The following GABRG2 variants were observed in gnomAD, a reference collection of about 807,000 sequenced individuals.
GABRG2 encodes the protein gamma-aminobutyric acid receptor subunit gamma-2.
In GABRG2, 16 loss-of-function variants were observed where a neutral mutation model predicts 56.4. That is an observed-to-expected ratio of 0.28 (90% CI 0.19 to 0.43). The LOEUF (loss-of-function observed/expected upper bound fraction) is 0.43, where lower values mean the gene tolerates loss of function less well. Among genes scored for constraint, GABRG2 ranks in the 20% least tolerant of loss-of-function variants. The pLI is 1.00. For missense variants in GABRG2, 327 were observed against 582.7 expected (o/e 0.56, Z 4.52); for synonymous variants, 208 against 205.5 (o/e 1.01, Z -0.10).
rs1761968230 is a variant in GABRG2 at position 162,108,131 on chromosome 5, A to T, written c.769+4105A>T. 2.0e-5 allele frequency among the ~76,000 whole-genome samples: 3 copies of T among 152,278 alleles called. No individual in the cohort carries two copies. In the South Asian group the frequency reaches 6.2e-4, roughly 32 times the overall value. ...TGCAGATGAGAAAATTGAGACTTTG[A>T]GGGGTTCATTTTCCTGCAGAAATCA... On this transcript the variant is annotated intron_variant, in intron 6 of 9. Coordinates refer to ENST00000639213, the MANE Select transcript of GABRG2 (RefSeq NM_198904.4).
intron 1 of GABRG2, among the ~76,000 whole-genome samples, chr5:162,091,729 A>G (rs1257986696): frequency 2.0e-5 from 3 of 152,122 alleles, no homozygotes; most frequent in Non-Finnish European, 4.4e-5. Flanking sequence ...TTATCTTTTC[A>G]CTTTATGTAT....
chr5:162,116,059 G>C (rs992562716), intron 6 of GABRG2, among the ~76,000 whole-genome samples: 1 of 151,484 alleles, frequency 6.6e-6, no homozygotes, highest in Non-Finnish European at 1.5e-5. Flanking sequence ...CATCTTTCCT[G>C]ACTGACAGTC....
chr5:162,086,725 T>C (rs145184886), intron 1 of GABRG2, among the ~76,000 whole-genome samples: 1,571 of 152,154 alleles, frequency 0.01, 12 homozygotes, highest in South Asian at 0.023. Context: ...TGTCTAGACA[T>C]CTTTTGCTCA....
chr5:162,123,543 A>T (rs1034300104), intron 6 of GABRG2, among the ~76,000 whole-genome samples: 2 of 151,924 alleles, frequency 1.3e-5, no homozygotes, highest in African/African-American at 4.8e-5. Context: ...TGGGAGTTAC[A>T]GCAAAAAGAA....
At position 162,067,985 on chromosome 5, in the gene GABRG2, A is replaced by G. The variant is rs1427092653; in HGVS notation, c.-15A>G. The G allele has an allele frequency of 1.3e-5, 6 of 455,188 alleles. No individual in the cohort carries two copies. The highest frequency in any genetic ancestry group is 4.6e-5 in the South Asian group (1 of 21,532). The allele number at this position is 455,188 out of a possible 1,614,324, so 28.2% of individuals were successfully genotyped here. ...CCAAGAGGCAAGAGGCGAGAGAAGG[A>G]AAAAAAAAAAAGCGATGAGTTCGCC... On this transcript the variant is annotated 5_prime_UTR_variant, in exon 1 of 10. Transcript: ENST00000639213.
chr5:162,120,513 A>G (rs905164664), intron 6 of GABRG2, among the ~76,000 whole-genome samples: 7 of 152,214 alleles, frequency 4.6e-5, no homozygotes, highest in African/African-American at 1.7e-4. Flanking sequence ...CTCAAGAACT[A>G]TAGCTTTTTC....
intron 1 of GABRG2, among the ~76,000 whole-genome samples, chr5:162,092,063 T>A (rs963403422): frequency 1.3e-5 from 2 of 152,090 alleles, no homozygotes; most frequent in African/African-American, 4.8e-5. Context: ...CCAGAGAGCT[T>A]TTTTATTTTC....
chr5:162,075,924 A>G (rs888898391), intron 1 of GABRG2, among the ~76,000 whole-genome samples: 2 of 152,052 alleles, frequency 1.3e-5, no homozygotes, highest in African/African-American at 2.4e-5. Flanking sequence ...AAGCTGAGGC[A>G]GGAGGATCGC....
chr5:162,150,709 G>C (rs552738390), intron 8 of GABRG2: 1 of 152,160 alleles, frequency 6.6e-6, no homozygotes, highest in African/African-American at 2.4e-5. Context: ...ATTCTAGGTT[G>C]TATTCTGATG....
At chr5:162,152,950 A>T in intron 9 of GABRG2, 143 bp from the exon 10 acceptor site, 1 of 975,120 alleles carries the variant, frequency 1.0e-6, no homozygotes, top group Non-Finnish European at 1.6e-6. Flanking sequence ...GTTCAATTTT[A>T]CCATTGTAGA....
intron 1 of GABRG2, among the ~76,000 whole-genome samples, chr5:162,080,886 G>C (rs1259027531): frequency 6.6e-6 from 1 of 152,080 alleles, no homozygotes; most frequent in Non-Finnish European, 1.5e-5. Context: ...GCATTGTAAT[G>C]AAATAATTGC....
At chr5:162,101,681 G>T in intron 5 of GABRG2, 1 of 267,766 alleles carries the variant, frequency 3.7e-6, no homozygotes, top group Non-Finnish European at 7.2e-6. Flanking sequence ...TATGGGCCTA[G>T]GAAGGGACTA....
chr5:162,141,302 G>T (rs1480141335), intron 6 of GABRG2, among the ~76,000 whole-genome samples: 1 of 152,178 alleles, frequency 6.6e-6, no homozygotes, highest in African/African-American at 2.4e-5. Flanking sequence ...CTCCCAAAGT[G>T]CTGGGATTAC....
At chr5:162,083,689 A>T (rs1759836255) in intron 1 of GABRG2, 1 of 154,548 alleles carries the variant, frequency 6.5e-6, no homozygotes, top group Admixed American at 6.6e-5. Context: ...CTGTTCAGGT[A>T]TTTGTCTCCT....
rs910811679 is a variant in GABRG2 at position 162,153,785 on chromosome 5, A to G, written c.*417A>G. ...GTTGTGATAAATTTGATCCCAATAG[A>G]ATACCTCCCTCATTTAAGAAAAATC... is the stretch of plus-strand genomic sequence containing the variant. On this transcript the variant is annotated 3_prime_UTR_variant, in exon 10 of 10. Coordinates refer to ENST00000639213, the MANE Select transcript of GABRG2 (RefSeq NM_198904.4). The G allele has an allele frequency of 2.5e-5, 5 of 198,148 alleles. No homozygotes were observed. The East Asian group carries it at 6.2e-4, about 25-fold the overall frequency. 12.3% of individuals were successfully genotyped at this position (198,148 alleles called of 1,614,324 possible). A position where few individuals can be genotyped will look rare whatever the true frequency, so the allele number is the denominator to read the frequency against.
At chr5:162,130,877 GTCC>G (rs1265385933) in intron 6 of GABRG2, among the ~76,000 whole-genome samples, 1 of 151,928 alleles carries the variant, frequency 6.6e-6, no homozygotes, top group Non-Finnish European at 1.5e-5. Flanking sequence ...CACCCACTGA[GTCC>G]CCATAGAAGG....
At position 162,068,198 on chromosome 5, in the gene GABRG2, A is replaced by G. The variant is rs529125011; in HGVS notation, c.107+92A>G. 7 of 823,824 alleles carry G rather than the reference A, an allele frequency of 8.5e-6. No individual in the cohort carries two copies. In the East Asian group the frequency reaches 1.8e-4, roughly 21 times the overall value. 51.0% of individuals were successfully genotyped at this position (823,824 alleles called of 1,614,324 possible). A position where few individuals can be genotyped will look rare whatever the true frequency, so the allele number is the denominator to read the frequency against. ...ACTCGGGAGACCACCCAGATTTAAAACACTCTCCTAGGATGTGCGGCTTTA... is the reference window on the plus strand; with the variant it reads ...ACTCGGGAGACCACCCAGATTTAAAGCACTCTCCTAGGATGTGCGGCTTTA... On this transcript the variant is annotated intron_variant, in intron 1 of 9. Coordinates refer to ENST00000639213, the MANE Select transcript of GABRG2 (RefSeq NM_198904.4).
At position 162,154,274 on chromosome 5, in the gene GABRG2, A is replaced by ATT. The variant is rs1311665710; in HGVS notation, c.*907_*908insTT. On this transcript the variant is annotated 3_prime_UTR_variant, in exon 10 of 10. Coordinates refer to ENST00000639213, the MANE Select transcript of GABRG2 (RefSeq NM_198904.4). Reference sequence around the variant, plus strand: ...TTTTTTCTTCCTTTTAGGATGATAGATCATAACAGAACTTATTCTCCATCT... The same window carrying ATT: ...TTTTTTCTTCCTTTTAGGATGATAGATTTCATAACAGAACTTATTCTCCATCT... The ATT allele has an allele frequency of 6.6e-6, 1 of 152,162 alleles. No homozygotes were observed. The highest frequency in any genetic ancestry group is 1.5e-5 in the Non-Finnish European group (1 of 68,036). The allele number at this position is 152,162 out of a possible 1,614,324, so 9.4% of individuals were successfully genotyped here. A position where few individuals can be genotyped will look rare whatever the true frequency, so the allele number is the denominator to read the frequency against.
chr5:162,147,359 TTCTG>T (rs957682545), intron 7 of GABRG2, among the ~76,000 whole-genome samples: 3 of 151,642 alleles, frequency 2.0e-5, no homozygotes, highest in African/African-American at 7.3e-5. Flanking sequence ...CTGTCTCTCT[TTCTG>T]TCTGTCTGTC....
Sources: allele counts gnomAD v4.1 joint callset (sites outside exome capture counted in the v4.1 genomes callset), GRCh38; gene constraint gnomAD v4.1.1; transcripts MANE v1.5; gene names NCBI Gene and HGNC (gene_info 2026-07-23, HGNC 2026-07-21).